MTAP: variants seen among roughly 807,000 people sequenced by gnomAD.
MTAP encodes S-methyl-5'-thioadenosine phosphorylase.
In MTAP, 33 loss-of-function variants were observed where a neutral mutation model predicts 33.6. That is an observed-to-expected ratio of 0.98 (90% confidence interval 0.74 to 1.31). The LOEUF is 1.31. Among genes scored for constraint, MTAP ranks in the 40% most tolerant of loss-of-function variants. The probability of loss-of-function intolerance (pLI) is 0.00; values close to 1 mark genes in which losing one functional copy is unlikely to be tolerated. For synonymous variants in MTAP, 148 were observed against 125.7 expected, an observed-to-expected ratio of 1.18 and a Z score of -1.19; for missense variants, 367 against 360.0, an observed-to-expected ratio of 1.02 and a Z score of -0.16.
intron 4 of MTAP, among the ~76,000 whole-genome samples, chr9:21,830,895 G>T (rs114807686): frequency 2.0e-5 from 3 of 152,078 alleles, no homozygotes; most frequent in Non-Finnish European, 4.4e-5. Context: ...CACACCCACC[G>T]GACTTGTAAA....
intron 1 of MTAP, among the ~76,000 whole-genome samples, chr9:21,882,255 G>A (rs906221427): frequency 1.3e-5 from 2 of 151,852 alleles, no homozygotes; most frequent in African/African-American, 2.4e-5. Flanking sequence ...CCTTTTTAAG[G>A]TTCGATAATA....
At position 21,865,239 on chromosome 9, in the gene MTAP, A is replaced by G. The variant is rs975549723; in HGVS notation, c.*3225A>G. 15 of 482,036 alleles carry G rather than the reference A, an allele frequency of 3.1e-5. No homozygotes were observed. In the African/African-American group the frequency reaches 3.2e-4, roughly 10 times the overall value. The allele number at this position is 482,036 out of a possible 1,614,324, so 29.9% of individuals were successfully genotyped here. On this transcript the variant is annotated 3_prime_UTR_variant, in exon 8 of 8. Transcript: ENST00000644715. ...AGTTCTCACAAGTCCTGTTTGTTTT[A>G]TAAGGGGCTTTTCCCCCTTTTGCTC...
chr9:21,863,745 TAC>T lies in MTAP; in HGVS notation c.*1733_*1734del, dbSNP rs1825801484. Reference sequence around the variant, plus strand: ...ATTACAGGATACTTCAGGATCAAGATACAGAACCTTTTATTTAAAGAGTTTGT... The same window carrying T: ...ATTACAGGATACTTCAGGATCAAGATAGAACCTTTTATTTAAAGAGTTTGT... On this transcript the variant is annotated 3_prime_UTR_variant, in exon 8 of 8. Coordinates refer to ENST00000644715, the MANE Select transcript of MTAP (RefSeq NM_002451.4). 1 of 985,794 alleles carries T rather than the reference TAC, an allele frequency of 1.0e-6. No homozygotes were observed. Among genetic ancestry groups the T allele is most frequent in the South Asian group, 4.7e-5 (1 of 21,294 alleles). 61.1% of individuals were successfully genotyped at this position (985,794 alleles called of 1,614,324 possible).
At chr9:21,838,342 C>T (rs138832732) in intron 5 of MTAP, among the ~76,000 whole-genome samples, 1 of 152,310 alleles carries the variant, frequency 6.6e-6, no homozygotes, top group East Asian at 1.9e-4. Flanking sequence ...CAAATCTCTG[C>T]TCTTCAACAA....
chr9:21,842,033 A>G (rs111920273), intron 5 of MTAP, among the ~76,000 whole-genome samples: 1,573 of 152,334 alleles, frequency 0.01, 26 homozygotes, highest in African/African-American at 0.036. Context: ...TTAAAAAACA[A>G]TACAGGATAT....
intron 4 of MTAP, among the ~76,000 whole-genome samples, chr9:21,824,907 G>A (rs1044742977): frequency 2.0e-5 from 3 of 152,162 alleles, no homozygotes; most frequent in Non-Finnish European, 2.9e-5. Context: ...AGCTATGCAC[G>A]GGATATAATC....
chr9:21,854,809 T>G lies in MTAP; in HGVS notation c.629T>G (p.Ile210Ser), dbSNP rs375453271. 6.2e-7 allele frequency: 1 copy of G among 1,614,020 alleles called. No homozygotes were observed. The highest frequency in any genetic ancestry group is 8.5e-7 in the Non-Finnish European group (1 of 1,180,004). The change falls in exon 6 of 8, where the codon ATT becomes AGT. Residue 210 changes from isoleucine to serine, a missense_variant. By Grantham distance (142) the Ile-to-Ser change is moderately radical. Coordinates refer to ENST00000644715, the MANE Select transcript of MTAP (RefSeq NM_002451.4). ...GTGGTTCTTGCTAAGGAGGCTGGAA[T>G]TTGTTACGCAAGTATCGCCATGGCG... Reference protein sequence around the residue: ...PEVVLAKEAGICYASIAMATD... With the variant: ...PEVVLAKEAGSCYASIAMATD...
Position 21,805,044 on chromosome 9 carries a change from T to C in MTAP, c.33+2263T>C, listed in dbSNP as rs1824173758. Among the ~76,000 whole-genome samples the C allele has an allele frequency of 2.0e-5, 3 of 152,180 alleles. No individual in the cohort carries two copies. The South Asian group carries it at 6.2e-4, about 32-fold the overall frequency. On this transcript the variant is annotated intron_variant, in intron 1 of 7. Transcript: ENST00000644715. Reference sequence around the variant, plus strand: ...GTGCCCACTGCACACCACCCAGGTATAGGTATAGGAGGCACATGTGTGTCT... The same window carrying C: ...GTGCCCACTGCACACCACCCAGGTACAGGTATAGGAGGCACATGTGTGTCT...
At chr9:21,846,873 T>C (rs1021751677) in intron 5 of MTAP, among the ~76,000 whole-genome samples, 2 of 152,178 alleles carry the variant, frequency 1.3e-5, no homozygotes, top group African/African-American at 2.4e-5. Context: ...AAATATGGTA[T>C]ATATACAGCA....
intron 4 of MTAP, among the ~76,000 whole-genome samples, chr9:21,825,773 C>G (rs186299974): frequency 6.6e-6 from 1 of 152,236 alleles, no homozygotes; most frequent in Admixed American, 6.5e-5. Context: ...CCTGGGAGGT[C>G]AAGGCTAGAA....
At chr9:21,839,531 A>G (rs1057039194) in intron 5 of MTAP, among the ~76,000 whole-genome samples, 4 of 152,238 alleles carry the variant, frequency 2.6e-5, no homozygotes, top group Admixed American at 2.0e-4. Flanking sequence ...CTGTGGTGAT[A>G]ATTTCCAGTA....
At chr9:21,860,197 G>T (rs1825725555) in intron 7 of MTAP, 1 of 152,212 alleles carries the variant, frequency 6.6e-6, no homozygotes. Flanking sequence ...CACAGTTTTA[G>T]TATAATGAGG....
chr9:21,907,383 C>T (rs371659112), intron 1 of MTAP, among the ~76,000 whole-genome samples: 1 of 152,196 alleles, frequency 6.6e-6, no homozygotes, highest in Admixed American at 6.5e-5. Flanking sequence ...ATGGCAACAA[C>T]CCATCTCTAC....
chr9:21,869,132 T>C (rs1410750766), downstream of MTAP, among the ~76,000 whole-genome samples: 1 of 152,166 alleles, frequency 6.6e-6, no homozygotes. Flanking sequence ...CCATTAAAAT[T>C]CTTGACCCCA....
At chr9:21,920,883 C>T (rs1267323081) in intron 1 of MTAP, among the ~76,000 whole-genome samples, 1 of 152,090 alleles carries the variant, frequency 6.6e-6, no homozygotes, top group African/African-American at 2.4e-5. Context: ...CTCTTTTTTT[C>T]TGTGTCTTTG....
At chr9:21,809,587 C>T (rs1824292717) in intron 1 of MTAP, among the ~76,000 whole-genome samples, 1 of 150,688 alleles carries the variant, frequency 6.6e-6, no homozygotes, top group South Asian at 2.1e-4. Context: ...TGCAGTGAGC[C>T]GAGATCGCAC....
At chr9:21,818,364 G>C (rs1454438169) in intron 4 of MTAP, among the ~76,000 whole-genome samples, 162 bp downstream of exon 4, 1 of 111,442 alleles carries the variant, frequency 9.0e-6, no homozygotes, top group Non-Finnish European at 1.6e-5. Context: ...GCCTCACTCT[G>C]TCTCCCAGGC....
intron 1 of MTAP, among the ~76,000 whole-genome samples, chr9:21,909,590 G>A (rs1818535132): frequency 6.6e-6 from 1 of 152,088 alleles, no homozygotes; most frequent in South Asian, 2.1e-4. Flanking sequence ...AATTTGTTGT[G>A]TAAGAGGCAT....
chr9:21,859,725 G>A (rs1216697113), intron 7 of MTAP: 5 of 215,570 alleles, frequency 2.3e-5, no homozygotes, highest in African/African-American at 4.6e-5. Flanking sequence ...AAGATTGATA[G>A]TGCTTTCTCT....
Sources: gnomAD v4.1 joint callset for allele counts (sites outside exome capture counted in the v4.1 genomes callset) on GRCh38, gnomAD v4.1.1 for gene constraint, MANE v1.5 for transcripts, NCBI Gene and HGNC (gene_info 2026-07-23, HGNC 2026-07-21) for gene names.